The following ACOT7 variants were observed in gnomAD, a reference collection of about 807,000 sequenced individuals.
ACOT7 encodes the protein acyl-CoA thioesterase 7.
Under a neutral mutation model 40.2 loss-of-function variants are expected in ACOT7, and 12 were observed. That is an observed-to-expected ratio of 0.30 (90% CI 0.19 to 0.48). The LOEUF (loss-of-function observed/expected upper bound fraction) is 0.48. Ranked by LOEUF, ACOT7 falls within the 20% of genes least tolerant of loss-of-function variation. ACOT7 has a pLI of 0.99. For missense variants in ACOT7, 395 were observed against 530.8 expected (o/e 0.74, Z 2.51); for synonymous variants, 228 against 219.5 (o/e 1.04, Z -0.34).
intron 8 of ACOT7, among the ~76,000 whole-genome samples, chr1:6,272,261 G>A (rs1185349960): frequency 6.6e-6 from 1 of 152,262 alleles, no homozygotes; most frequent in Non-Finnish European, 1.5e-5. Flanking sequence ...ATGAATGAAT[G>A]AATGATCAAA....
intron 2 of ACOT7, among the ~76,000 whole-genome samples, chr1:6,347,275 T>C (rs1044892791): frequency 6.6e-6 from 1 of 152,176 alleles, no homozygotes; most frequent in African/African-American, 2.4e-5. Flanking sequence ...CAGAGGCTTC[T>C]CCAAGCCAAT....
chr1:6,269,725 A>C (rs1638969989), intron 8 of ACOT7, among the ~76,000 whole-genome samples: 1 of 152,180 alleles, frequency 6.6e-6, no homozygotes, highest in Non-Finnish European at 1.5e-5. Flanking sequence ...CTGATGATGG[A>C]TGGATGTGTG....
chr1:6,316,024 A>G (rs1463103259), intron 6 of ACOT7, among the ~76,000 whole-genome samples: 1 of 152,166 alleles, frequency 6.6e-6, no homozygotes, highest in Admixed American at 6.5e-5. Flanking sequence ...ATAAAGAAAG[A>G]AAGACTGGGC....
At chr1:6,315,603 T>C (rs1205328048) in intron 6 of ACOT7, among the ~76,000 whole-genome samples, 1 of 151,690 alleles carries the variant, frequency 6.6e-6, no homozygotes, top group African/African-American at 2.4e-5. Flanking sequence ...TACAAAAAAT[T>C]ATCTGGGCGT....
intron 8 of ACOT7, among the ~76,000 whole-genome samples, chr1:6,279,503 C>A (rs189650143): frequency 6.6e-5 from 10 of 152,330 alleles, no homozygotes; most frequent in African/African-American, 2.2e-4. Flanking sequence ...GCCTCGTAAG[C>A]CCCAAGTCAA....
At chr1:6,388,834 C>T (rs1456595015) in intron 1 of ACOT7, among the ~76,000 whole-genome samples, 2 of 150,510 alleles carry the variant, frequency 1.3e-5, no homozygotes, top group Non-Finnish European at 3.0e-5. Context: ...GTCAGGAGAT[C>T]GAGACCATCC....
At chr1:6,280,337 G>A (rs1407072410) in intron 8 of ACOT7, among the ~76,000 whole-genome samples, 1 of 152,218 alleles carries the variant, frequency 6.6e-6, no homozygotes, top group East Asian at 1.9e-4. Context: ...CCAGGATGGG[G>A]AACCTCTGTT....
chr1:6,295,039 C>T (rs1639773989), intron 6 of ACOT7, 59 bp from the exon 7 acceptor site: 1 of 1,372,030 alleles, frequency 7.3e-7, no homozygotes, highest in Non-Finnish European at 1.0e-6. Context: ...TTATTTCACA[C>T]CCTGGAAACA....
At chr1:6,377,464 G>A (rs1642254104) in intron 1 of ACOT7, among the ~76,000 whole-genome samples, 1 of 152,120 alleles carries the variant, frequency 6.6e-6, no homozygotes. Flanking sequence ...GCTGGATATG[G>A]GTGAATTAAG....
At chr1:6,276,055 T>C (rs1009248277) in intron 8 of ACOT7, among the ~76,000 whole-genome samples, 1 of 152,150 alleles carries the variant, frequency 6.6e-6, no homozygotes, top group Non-Finnish European at 1.5e-5. Context: ...TACAGGCTTC[T>C]CCCTGGTCAG....
chr1:6,317,977 C>G (rs1640542461), intron 6 of ACOT7, among the ~76,000 whole-genome samples: 1 of 152,196 alleles, frequency 6.6e-6, no homozygotes, highest in African/African-American at 2.4e-5. Flanking sequence ...GGTGATCCAG[C>G]CACCTCGGCC....
Position 6,264,574 on chromosome 1 carries a change from C to T in ACOT7, c.*23G>A. 6.2e-7 allele frequency: 1 copy of T among 1,604,282 alleles called. No individual in the cohort carries two copies. The highest frequency in any genetic ancestry group is 8.5e-7 in the Non-Finnish European group (1 of 1,175,334). On this transcript the variant is annotated 3_prime_UTR_variant, in exon 9 of 9. Transcript: ENST00000361521. ...GGCCCGTTGCCATGGCTACTCGAGG[C>T]ACCAGTGGCAGGAGGAGGGAGTCTA...
At chr1:6,363,430 C>G (rs1248003206) in intron 1 of ACOT7, among the ~76,000 whole-genome samples, 2 of 152,164 alleles carry the variant, frequency 1.3e-5, no homozygotes, top group Non-Finnish European at 2.9e-5. Context: ...ATCAGTCAGG[C>G]CTGCCCGCAG....
intron 8 of ACOT7, among the ~76,000 whole-genome samples, chr1:6,269,390 G>A (rs1433282720): frequency 6.6e-6 from 1 of 152,198 alleles, no homozygotes; most frequent in Non-Finnish European, 1.5e-5. Flanking sequence ...GCTGAGCTTG[G>A]CCTCCCCCAG....
Position 6,393,352 on chromosome 1 carries a change from G to C in ACOT7, c.48C>G (p.Thr16=), listed in dbSNP as rs1475946104. The C allele has an allele frequency of 8.0e-7, 1 of 1,248,414 alleles. No individual in the cohort carries two copies. Among genetic ancestry groups the C allele is most frequent in the Admixed American group, 4.0e-5 (1 of 24,846 alleles). 77.3% of individuals were successfully genotyped at this position (1,248,414 alleles called of 1,614,324 possible). A position where few individuals can be genotyped will look rare whatever the true frequency, so the allele number is the denominator to read the frequency against. Residue 16 remains threonine, a synonymous_variant, in exon 1 of 9, where the codon ACC becomes ACG. Coordinates refer to ENST00000361521, the MANE Select transcript of ACOT7 (RefSeq NM_007274.4). ...LIHSAPGLPD[T]CALLQPPAAS... is the part of the protein sequence containing the mutation. ...CGGCGGGCGGCTGCAGAAGGGCGCA[G>C]GTGTCTGGCAGGCCCGGCGCGGAAT...
At chr1:6,307,304 A>T (rs56961204) in intron 6 of ACOT7, among the ~76,000 whole-genome samples, 8 of 152,272 alleles carry the variant, frequency 5.3e-5, no homozygotes, top group African/African-American at 1.9e-4. Flanking sequence ...ACTGCGCGGC[A>T]CCAGCACAGT....
At chr1:6,384,642 G>A (rs901166705) in intron 1 of ACOT7, among the ~76,000 whole-genome samples, 25 of 151,766 alleles carry the variant, frequency 1.6e-4, no homozygotes, top group African/African-American at 6.0e-4. Context: ...GTATAGGAAG[G>A]TAAGGTTGAA....
Position 6,330,494 on chromosome 1 carries a change from T to C in ACOT7, c.510+2983A>G, listed in dbSNP as rs1226707072. 6.6e-6 allele frequency among the ~76,000 whole-genome samples: 1 copy of C among 152,160 alleles called. No individual in the cohort carries two copies. The highest frequency in any genetic ancestry group is 1.5e-5 in the Non-Finnish European group (1 of 68,018). On this transcript the variant is annotated intron_variant, in intron 4 of 8. Transcript: ENST00000361521. The surrounding 1 kb of genome is among the most constrained non-coding windows in gnomAD (Gnocchi z 4.6). Reference sequence around the variant, plus strand: ...CCGTGCAGCCTCTCCCATCTGCGGCTCCGGCTGCCTCGGAGCCATGGAATG... The same window carrying C: ...CCGTGCAGCCTCTCCCATCTGCGGCCCCGGCTGCCTCGGAGCCATGGAATG...
intron 1 of ACOT7, among the ~76,000 whole-genome samples, chr1:6,381,501 G>A (rs931185516): frequency 6.6e-6 from 1 of 151,538 alleles, no homozygotes; most frequent in Non-Finnish European, 1.5e-5. Flanking sequence ...ACACCCATTA[G>A]GATGGCAACT....
Sources: allele counts gnomAD v4.1 joint callset (sites outside exome capture counted in the v4.1 genomes callset), GRCh38; gene constraint gnomAD v4.1.1; non-coding constraint Gnocchi (gnomAD v3.1); transcripts MANE v1.5; gene names NCBI Gene and HGNC (gene_info 2026-07-23, HGNC 2026-07-21).